Variants in EIPR1 observed in about 807,000 individuals in gnomAD.
The protein encoded by EIPR1 is EARP complex and GARP complex interacting protein 1.
EIPR1 carries 25 observed loss-of-function variants against 48.1 expected under a neutral mutation model. The observed-to-expected ratio is 0.52, with a 90% CI of 0.38 to 0.73. The LOEUF is 0.73. Among genes scored for constraint, EIPR1 ranks in the 30% least tolerant of loss-of-function variants. The pLI, the probability that EIPR1 is intolerant of heterozygous loss-of-function variation, is 0.00. For missense variants in EIPR1, 415 were observed against 506.2 expected (o/e 0.82, Z 1.73); for synonymous variants, 204 against 201.9 (o/e 1.01, Z -0.09).
chr2:3,271,251 A>C (rs1163531263), intron 3 of EIPR1, among the ~76,000 whole-genome samples: 1 of 152,214 alleles, frequency 6.6e-6, no homozygotes, highest in African/African-American at 2.4e-5. Context: ...CAAGGGTTAG[A>C]GTCAACTTCC....
intron 3 of EIPR1, among the ~76,000 whole-genome samples, chr2:3,259,261 T>C (rs965179645): frequency 6.7e-6 from 1 of 150,334 alleles, no homozygotes; most frequent in Non-Finnish European, 1.5e-5. Context: ...AGCTATTCTG[T>C]GGAAGAAATG....
chr2:3,220,880 G>A (rs1380863456), intron 4 of EIPR1, among the ~76,000 whole-genome samples: 1 of 149,420 alleles, frequency 6.7e-6, no homozygotes, highest in Admixed American at 6.7e-5. Flanking sequence ...GTACACTCTA[G>A]AGCATTCACA....
At chr2:3,207,548 T>G (rs1166876612) in intron 5 of EIPR1, among the ~76,000 whole-genome samples, 1 of 152,188 alleles carries the variant, frequency 6.6e-6, no homozygotes, top group Non-Finnish European at 1.5e-5. Context: ...CCACCAAAGC[T>G]CCAGCAGCAT....
At chr2:3,206,187 A>G in intron 5 of EIPR1, among the ~76,000 whole-genome samples, 1 of 152,198 alleles carries the variant, frequency 6.6e-6, no homozygotes, top group Admixed American at 6.5e-5. Context: ...CGGGACACCC[A>G]GGCTCTTGTG....
rs187001017 is a variant in EIPR1 at position 3,335,268 on chromosome 2, T to C, written c.259+2749A>G. ...ATTCCTCTGCAGTGTATAATGACTATGGAAGCCGGGGCCGCAGTAACAACT... is the reference window on the plus strand; with the variant it reads ...ATTCCTCTGCAGTGTATAATGACTACGGAAGCCGGGGCCGCAGTAACAACT... On this transcript the variant is annotated intron_variant, in intron 3 of 8. Transcript: ENST00000382125. Among the ~76,000 whole-genome samples, 73 of 152,302 alleles carry C rather than the reference T, an allele frequency of 4.8e-4. No individual in the cohort carries two copies. The Middle Eastern group carries it at 0.014, about 28-fold the overall frequency.
intron 3 of EIPR1, among the ~76,000 whole-genome samples, chr2:3,313,121 A>C (rs1488971618): frequency 6.6e-6 from 1 of 152,174 alleles, no homozygotes; most frequent in Non-Finnish European, 1.5e-5. Context: ...CCTCCAACTC[A>C]GAGTCCACAG....
chr2:3,372,900 T>C (rs1488563084), intron 1 of EIPR1, among the ~76,000 whole-genome samples: 3 of 152,154 alleles, frequency 2.0e-5, no homozygotes, highest in African/African-American at 7.2e-5. Flanking sequence ...ATCATCCTGA[T>C]ACCAAAGCCG....
At chr2:3,365,530 G>A (rs371645329) in intron 1 of EIPR1, among the ~76,000 whole-genome samples, 106 of 148,814 alleles carry the variant, frequency 7.1e-4, no homozygotes, top group African/African-American at 2.2e-3. Context: ...GGTGTTTCTC[G>A]CAGAGGGGGA....
chr2:3,254,185 A>G (rs959781200), intron 4 of EIPR1, among the ~76,000 whole-genome samples: 3 of 152,058 alleles, frequency 2.0e-5, no homozygotes, highest in Non-Finnish European at 2.9e-5. Flanking sequence ...CAAATTCCCT[A>G]TCTAATCATA....
intron 3 of EIPR1, among the ~76,000 whole-genome samples, chr2:3,294,445 C>T (rs1281367125): frequency 7.3e-6 from 1 of 137,750 alleles, no homozygotes. Context: ...CCAGCCCATC[C>T]TCTCTCCAAA....
At chr2:3,333,230 C>T (rs1476875098) in intron 3 of EIPR1, among the ~76,000 whole-genome samples, 1 of 152,208 alleles carries the variant, frequency 6.6e-6, no homozygotes, top group Non-Finnish European at 1.5e-5. Context: ...TGCTTGCGTG[C>T]ACAAGAATTC....
chr2:3,247,221 T>C (rs1409308991), intron 4 of EIPR1, among the ~76,000 whole-genome samples: 2 of 152,152 alleles, frequency 1.3e-5, no homozygotes, highest in African/African-American at 4.8e-5. Flanking sequence ...AGGCGATTTC[T>C]AGGACGACTC....
intron 1 of EIPR1, among the ~76,000 whole-genome samples, chr2:3,360,384 A>C (rs997927497): frequency 2.0e-5 from 3 of 151,234 alleles, no homozygotes; most frequent in Non-Finnish European, 4.4e-5. Flanking sequence ...AGCCTAGGCG[A>C]CAAGAGTGAG....
chr2:3,324,715 G>C (rs1186644521), intron 3 of EIPR1, among the ~76,000 whole-genome samples: 2 of 152,238 alleles, frequency 1.3e-5, no homozygotes, highest in Non-Finnish European at 2.9e-5. Context: ...TGATGCAGTA[G>C]GCAGGAGGCC....
intron 4 of EIPR1, among the ~76,000 whole-genome samples, chr2:3,221,934 G>A (rs551879192): frequency 6.6e-6 from 1 of 152,268 alleles, no homozygotes; most frequent in East Asian, 1.9e-4. Context: ...CACGTCCTAA[G>A]GAGCTGATGG....
intron 3 of EIPR1, among the ~76,000 whole-genome samples, chr2:3,324,565 C>T (rs1223661436): frequency 6.6e-6 from 1 of 152,256 alleles, no homozygotes; most frequent in Non-Finnish European, 1.5e-5. Flanking sequence ...TAGGGCAGCC[C>T]CTGGCCACCC....
At chr2:3,279,942 G>C (rs558850346) in intron 3 of EIPR1, among the ~76,000 whole-genome samples, 1 of 152,356 alleles carries the variant, frequency 6.6e-6, no homozygotes, top group African/African-American at 2.4e-5. Flanking sequence ...GCGCAGCCTG[G>C]AGCCTATCAG....
chr2:3,219,951 G>A (rs989922400), intron 4 of EIPR1, among the ~76,000 whole-genome samples: 2 of 152,186 alleles, frequency 1.3e-5, no homozygotes, highest in African/African-American at 2.4e-5. Flanking sequence ...GGTGAGGAGT[G>A]GGCAAGTGAC....
At chr2:3,215,957 G>T (rs1405978843) in intron 4 of EIPR1, among the ~76,000 whole-genome samples, 2 of 152,184 alleles carry the variant, frequency 1.3e-5, no homozygotes, top group African/African-American at 4.8e-5. Flanking sequence ...ATAATATGTA[G>T]TAAACAAGAC....
Sources: allele counts gnomAD v4.1 joint callset (sites outside exome capture counted in the v4.1 genomes callset), GRCh38; gene constraint gnomAD v4.1.1; transcripts MANE v1.5; gene names NCBI Gene and HGNC (gene_info 2026-07-23, HGNC 2026-07-21).